The following OGT variants were observed in gnomAD, a reference collection of about 807,000 sequenced individuals.
OGT encodes the protein O-linked N-acetylglucosamine (GlcNAc) transferase.
Under a neutral mutation model 75.8 loss-of-function variants are expected in OGT, and 3 were observed. The ratio of observed to expected loss-of-function variants is 0.04; its 90% CI spans 0.02 to 0.10. The LOEUF (loss-of-function observed/expected upper bound fraction) is 0.10. OGT is among the 10% of genes least tolerant of loss of function. The probability of loss-of-function intolerance (pLI) is 1.00; values close to 1 mark genes in which losing one functional copy is unlikely to be tolerated. For missense variants in OGT, 260 were observed against 824.4 expected (o/e 0.32, Z 8.38); for synonymous variants, 257 against 289.7 (o/e 0.89, Z 1.15).
chrX:71,533,807 C>A (rs1458393299), intron 1 of OGT, among the ~76,000 whole-genome samples: 1 of 109,234 alleles, frequency 9.2e-6, no homozygotes, highest in Admixed American at 9.8e-5. Flanking sequence ...CAATCTAGGG[C>A]GGGGGTGCCG....
intron 12 of OGT, among the ~76,000 whole-genome samples, chrX:71,558,546 A>C (rs1346333266): frequency 9.3e-6 from 1 of 107,755 alleles, no homozygotes; most frequent in African/African-American, 3.4e-5. Context: ...TTTTTAGTAG[A>C]GATAGGGCTT....
intron 4 of OGT, chrX:71,546,186 C>T: frequency 6.6e-6 from 5 of 754,309 alleles, no homozygotes; most frequent in Non-Finnish European, 7.8e-6. Context: ...AACCCTCTCC[C>T]TTCTGCATGT....
intron 2 of OGT, chrX:71,537,175 T>G (rs999461359): frequency 1.2e-4 from 15 of 129,790 alleles, no homozygotes; most frequent in Non-Finnish European, 1.8e-4. Flanking sequence ...TCCATGTTGG[T>G]CAGGCTGGTC....
chrX:71,563,701 A>G (rs1335789471), intron 18 of OGT, among the ~76,000 whole-genome samples: 1 of 112,037 alleles, frequency 8.9e-6, no homozygotes. Flanking sequence ...TTACTTACTG[A>G]GAAACTGCTG....
intron 19 of OGT, among the ~76,000 whole-genome samples, chrX:71,565,015 C>T (rs1020685716): frequency 6.3e-5 from 7 of 110,736 alleles, no homozygotes; most frequent in African/African-American, 2.3e-4. Flanking sequence ...AAAAATTAGC[C>T]GGACATGGTG....
intron 5 of OGT, among the ~76,000 whole-genome samples, chrX:71,548,967 A>T (rs960128193): frequency 1.8e-5 from 2 of 111,324 alleles, no homozygotes; most frequent in African/African-American, 6.5e-5. Flanking sequence ...GTATTAGGTA[A>T]TTTTACCTAA....
At chrX:71,563,107 T>C in intron 16 of OGT, 23 bp from the exon 17 acceptor site, 1 of 1,199,444 alleles carries the variant, frequency 8.3e-7, no homozygotes, top group East Asian at 3.0e-5. Flanking sequence ...AAAAGACATG[T>C]CTGAAACTAT....
chrX:71,555,134 T>TTGTGTGTGTGTGTGTGTG, intron 6 of OGT, 56 bp from the exon 7 acceptor site: 5 of 541,456 alleles, frequency 9.2e-6, no homozygotes, highest in South Asian at 4.2e-5. Context: ...GAGTTACATT[T>TTGTGTGTGTGTGTGTGTG]TGTGTGTGTG....
chrX:71,551,642 A>T (rs1285780785), intron 5 of OGT, among the ~76,000 whole-genome samples: 1 of 111,879 alleles, frequency 8.9e-6, no homozygotes, highest in Admixed American at 9.5e-5. Flanking sequence ...AAAAAATAAA[A>T]AAAAAGTTAA....
chrX:71,533,457 A>G, intron 1 of OGT, 121 bp downstream of exon 1: 1 of 666,246 alleles, frequency 1.5e-6, no homozygotes, highest in Non-Finnish European at 2.4e-6. Flanking sequence ...TGACATTGCT[A>G]AGCTTTTCGT....
chrX:71,533,416 C>T, intron 1 of OGT, 80 bp downstream of exon 1: 1 of 905,341 alleles, frequency 1.1e-6, no homozygotes, highest in Non-Finnish European at 1.6e-6. Flanking sequence ...CTCCTTCCCT[C>T]CCTTCCCTCG....
intron 18 of OGT, 45 bp downstream of exon 18, chrX:71,563,544 A>G: frequency 9.7e-7 from 1 of 1,026,832 alleles, no homozygotes; most frequent in Non-Finnish European, 1.3e-6. Flanking sequence ...CCAAGTATGC[A>G]TTTATTTCCC....
At chrX:71,533,995 C>G (rs888670130) in intron 1 of OGT, among the ~76,000 whole-genome samples, 1 of 111,261 alleles carries the variant, frequency 9.0e-6, no homozygotes, top group African/African-American at 3.3e-5. Flanking sequence ...CAGGGGTTTC[C>G]TTTGCCATCG....
chrX:71,544,854 C>CT, intron 4 of OGT: 1 of 405,692 alleles, frequency 2.5e-6, no homozygotes, highest in Admixed American at 4.1e-5. Context: ...TGGAGCCTTT[C>CT]TGCTGAGCTA....
rs1227269639 is a variant in OGT at position 71,541,088 on chromosome X, G to A, written c.462+3016G>A. On this transcript the variant is annotated intron_variant, in intron 3 of 21. Transcript: ENST00000373719. ...CCTGGCAATTCCTTTTGCAAATTAT[G>A]TATAAAATTGTCCTTTCTGTAACGG... Among the ~76,000 whole-genome samples the A allele has an allele frequency of 2.7e-5, 3 of 112,002 alleles. No homozygotes were observed. The East Asian group carries it at 8.4e-4, about 31-fold the overall frequency.
At chrX:71,567,236 C>G (rs2040422655) in intron 19 of OGT, among the ~76,000 whole-genome samples, 1 of 112,250 alleles carries the variant, frequency 8.9e-6, no homozygotes, top group African/African-American at 3.2e-5. Flanking sequence ...TCAGCAAAAC[C>G]CACTGCCTGT....
In OGT at chrX:71,538,000, A is replaced by G. The variant is rs762773165; in HGVS notation, c.390A>G (p.Ala130=). 12 of 1,210,215 alleles carry G rather than the reference A, an allele frequency of 9.9e-6. No homozygotes were observed. In the Admixed American group the frequency reaches 2.2e-4, roughly 22 times the overall value. Residue 130 remains alanine, a synonymous_variant, in exon 3 of 22, where the codon GCA becomes GCG. Transcript: ENST00000373719. ...PDFIDGYINL[A]AALVAAGDME... is the part of the protein sequence containing the mutation. ...TCATCGATGGTTATATTAACCTGGC[A>G]GCCGCCTTGGTAGCAGCGGGTGACA... is the stretch of plus-strand genomic sequence containing the variant.
intron 19 of OGT, among the ~76,000 whole-genome samples, chrX:71,565,763 T>C (rs1042037321): frequency 4.4e-5 from 5 of 112,527 alleles, no homozygotes; most frequent in African/African-American, 1.3e-4. Context: ...AAAATAACCA[T>C]AGGCATTTTG....
In OGT at chrX:71,556,675, T is replaced by C. The variant is rs1354456298; in HGVS notation, c.1066-5T>C. On this transcript the variant is annotated splice_polypyrimidine_tract_variant and splice_region_variant and intron_variant, in intron 8 of 21. Transcript: ENST00000373719. Reference sequence around the variant, plus strand: ...AACCTCAGTTCTGATCTTGACTCTTTATAGGTCTTCCCAGAGTTTGCTGCT... The same window carrying C: ...AACCTCAGTTCTGATCTTGACTCTTCATAGGTCTTCCCAGAGTTTGCTGCT... 1.7e-6 allele frequency: 2 copies of C among 1,155,043 alleles called. No individual in the cohort carries two copies. The highest frequency in any genetic ancestry group is 3.0e-5 in the East Asian group (1 of 32,852).
Sources: gnomAD v4.1 joint callset for allele counts (sites outside exome capture counted in the v4.1 genomes callset) on GRCh38, gnomAD v4.1.1 for gene constraint, MANE v1.5 for transcripts, NCBI Gene and HGNC (gene_info 2026-07-23, HGNC 2026-07-21) for gene names.